Variants in SULT4A1 observed in about 807,000 individuals in gnomAD.
The protein encoded by SULT4A1 is sulfotransferase family 4A member 1.
Under a neutral mutation model 35.2 loss-of-function variants are expected in SULT4A1, and 11 were observed. The ratio of observed to expected loss-of-function variants is 0.31; its 90% confidence interval spans 0.20 to 0.52. The LOEUF (loss-of-function observed/expected upper bound fraction) is 0.52. Ranked by LOEUF, SULT4A1 falls within the 20% of genes least tolerant of loss-of-function variation. The probability of loss-of-function intolerance (pLI) is 0.97; values close to 1 mark genes in which losing one functional copy is unlikely to be tolerated. For missense variants in SULT4A1, 271 were observed against 383.7 expected, an observed-to-expected ratio of 0.71 and a Z score of 2.45; for synonymous variants, 152 against 151.8, an observed-to-expected ratio of 1.00 and a Z score of -0.01.
intron 1 of SULT4A1, among the ~76,000 whole-genome samples, chr22:43,846,156 G>C (rs564671684): frequency 6.6e-6 from 1 of 152,270 alleles, no homozygotes; most frequent in East Asian, 1.9e-4. Flanking sequence ...CAGCCTCTGA[G>C]CCCAACCGGC....
chr22:43,837,519 T>C (rs544895168), intron 4 of SULT4A1, among the ~76,000 whole-genome samples: 4 of 152,192 alleles, frequency 2.6e-5, no homozygotes, highest in Non-Finnish European at 5.9e-5. Context: ...CAAGAGGCCA[T>C]GGGAAGAGGG....
chr22:43,825,959 ACTGT>A lies in SULT4A1; in HGVS notation c.*38_*41del. 9 of 1,586,810 alleles carry A rather than the reference ACTGT, an allele frequency of 5.7e-6. No individual in the cohort carries two copies. Among genetic ancestry groups the A allele is most frequent in the Non-Finnish European group, 6.9e-6 (8 of 1,158,304 alleles). The stretch of plus-strand genomic sequence containing the variant: ...TGCATACAGGACTTTTGGCTAGTAG[ACTGT>A]CTGGGTATTGTGAGCATGCAGGTTG... On this transcript the variant is annotated 3_prime_UTR_variant, in exon 7 of 7. Transcript: ENST00000330884.
At chr22:43,844,558 G>A (rs1025598087) in intron 1 of SULT4A1, among the ~76,000 whole-genome samples, 16 of 152,178 alleles carry the variant, frequency 1.1e-4, no homozygotes, top group African/African-American at 3.6e-4. Context: ...AAACCCTTCC[G>A]TAGCTTCCCA....
intron 1 of SULT4A1, among the ~76,000 whole-genome samples, chr22:43,858,901 G>A (rs2148310728): frequency 6.6e-6 from 1 of 152,244 alleles, no homozygotes; most frequent in South Asian, 2.1e-4. Flanking sequence ...CATCTGTAAT[G>A]GGTAATCCAC....
chr22:43,829,252 T>C, intron 5 of SULT4A1, 54 bp from the exon 6 acceptor site: 1 of 1,470,594 alleles, frequency 6.8e-7, no homozygotes, highest in South Asian at 1.4e-5. Flanking sequence ...GGCCTTTTAC[T>C]GGACACGACC....
intron 1 of SULT4A1, among the ~76,000 whole-genome samples, chr22:43,853,381 G>A (rs1182200440): frequency 6.6e-6 from 1 of 152,212 alleles, no homozygotes; most frequent in African/African-American, 2.4e-5. Flanking sequence ...GCTCACTTCT[G>A]GGCCTGGGAC....
chr22:43,827,689 AC>A, intron 6 of SULT4A1: 1 of 1,353,618 alleles, frequency 7.4e-7, no homozygotes, highest in Non-Finnish European at 9.9e-7. Flanking sequence ...ACCAAGGTAA[AC>A]CATGATAAAG....
intron 4 of SULT4A1, among the ~76,000 whole-genome samples, chr22:43,835,799 A>G (rs1005019241): frequency 7.2e-5 from 11 of 152,226 alleles, no homozygotes; most frequent in Non-Finnish European, 1.2e-4. Context: ...GCAGGGGGAA[A>G]TAGTGTGAGG....
chr22:43,848,816 C>A (rs2063492727), intron 1 of SULT4A1, among the ~76,000 whole-genome samples: 1 of 152,208 alleles, frequency 6.6e-6, no homozygotes, highest in Admixed American at 6.5e-5. Context: ...CCAGCCCAGG[C>A]CCCAGTAGAT....
chr22:43,833,127 G>A (rs1317038196), intron 5 of SULT4A1, among the ~76,000 whole-genome samples: 1 of 151,920 alleles, frequency 6.6e-6, no homozygotes, highest in African/African-American at 2.4e-5. Flanking sequence ...GCCACCAGAA[G>A]CCCCTCTGCC....
rs2148273764 is a variant in SULT4A1, at chr22:43,825,895, A to T, written c.*106T>A. The T allele has an allele frequency of 8.7e-7, 1 of 1,153,746 alleles. No individual in the cohort carries two copies. The highest frequency in any genetic ancestry group is 1.5e-5 in the African/African-American group (1 of 64,770). 71.5% of individuals were successfully genotyped at this position (1,153,746 alleles called of 1,614,324 possible). A position where few individuals can be genotyped will look rare whatever the true frequency, so the allele number is the denominator to read the frequency against. On this transcript the variant is annotated 3_prime_UTR_variant, in exon 7 of 7. Coordinates refer to ENST00000330884, the MANE Select transcript of SULT4A1 (RefSeq NM_014351.4). Reference sequence around the variant, plus strand: ...CTCTTCCCTTCCCCCGCTGTTTCACACGCTGCTTCCAGAGTTTGTCCAGCA... The same window carrying T: ...CTCTTCCCTTCCCCCGCTGTTTCACTCGCTGCTTCCAGAGTTTGTCCAGCA...
intron 1 of SULT4A1, among the ~76,000 whole-genome samples, chr22:43,846,199 C>A (rs1348769913): frequency 6.6e-6 from 1 of 152,216 alleles, no homozygotes; most frequent in South Asian, 2.1e-4. Flanking sequence ...GGTGTCCCTG[C>A]CTGGAGCCTC....
rs2148275042 is a variant in SULT4A1, at chr22:43,827,499, A to G, written c.743-1386T>C. The stretch of plus-strand genomic sequence containing the variant: ...CAGCTGAGACAGCTGAGAGCTCGTC[A>G]GAGGAGTCACCCACCTGGTTTAGGA... On this transcript the variant is annotated intron_variant, in intron 6 of 6. Transcript: ENST00000330884. The G allele has an allele frequency of 9.0e-6, 12 of 1,328,528 alleles. No homozygotes were observed. In the South Asian group the frequency reaches 1.5e-4, roughly 16 times the overall value. The allele number at this position is 1,328,528 out of a possible 1,614,324, so 82.3% of individuals were successfully genotyped here. A position where few individuals can be genotyped will look rare whatever the true frequency, so the allele number is the denominator to read the frequency against.
At chr22:43,858,086 AG>A (rs1309617059) in intron 1 of SULT4A1, among the ~76,000 whole-genome samples, 6 of 151,122 alleles carry the variant, frequency 4.0e-5, no homozygotes, top group African/African-American at 1.5e-4. Flanking sequence ...AGAAAAAAAA[AG>A]AAAGAAAGAA....
At position 43,838,727 on chromosome 22, in the gene SULT4A1, C is replaced by T. The variant is rs2063397718; in HGVS notation, c.508+140G>A. 2.6e-6 allele frequency: 3 copies of T among 1,153,916 alleles called. No individual in the cohort carries two copies. In the South Asian group the frequency reaches 4.4e-5, roughly 17 times the overall value. 71.5% of individuals were successfully genotyped at this position (1,153,916 alleles called of 1,614,324 possible). On this transcript the variant is annotated intron_variant, in intron 4 of 6. Transcript: ENST00000330884. ...CGACCCTCGGCCTCAGTGTCTTCATCTGTAAAGTGACCGCGGGCCTGACCT... is the reference window on the plus strand; with the variant it reads ...CGACCCTCGGCCTCAGTGTCTTCATTTGTAAAGTGACCGCGGGCCTGACCT...
chr22:43,826,800 C>T, intron 6 of SULT4A1: 3 of 985,440 alleles, frequency 3.0e-6, no homozygotes, highest in Non-Finnish European at 3.6e-6. Flanking sequence ...AAAACATGCA[C>T]TGCAGTGAGA....
rs2063277707 is a variant in SULT4A1 at position 43,825,080 on chromosome 22, CTGAA to C, written c.*917_*920del. 2.6e-5 allele frequency: 4 copies of C among 152,350 alleles called. No individual in the cohort carries two copies. In the South Asian group the frequency reaches 6.2e-4, roughly 24 times the overall value. 9.4% of individuals were successfully genotyped at this position (152,350 alleles called of 1,614,324 possible). On this transcript the variant is annotated 3_prime_UTR_variant, in exon 7 of 7. Transcript: ENST00000330884. ...GAGCGCCTCAGGTGCACAGAACAAA[CTGAA>C]TGATAAAGACCCGGGGATTTTAGAA... is the stretch of plus-strand genomic sequence containing the variant.
Position 43,825,747 on chromosome 22 carries a change from G to A in SULT4A1, c.*254C>T, listed in dbSNP as rs1392539779. On this transcript the variant is annotated 3_prime_UTR_variant, in exon 7 of 7. Transcript: ENST00000330884. ...CATATATTACAGGCTTTATCCTTACGGTCCAGGCCATTGGAACTGCAATGT... is the reference window on the plus strand; with the variant it reads ...CATATATTACAGGCTTTATCCTTACAGTCCAGGCCATTGGAACTGCAATGT... 9 of 378,762 alleles carry A rather than the reference G, an allele frequency of 2.4e-5. No homozygotes were observed. The highest frequency in any genetic ancestry group is 1.3e-4 in the South Asian group (3 of 23,544). 23.5% of individuals were successfully genotyped at this position (378,762 alleles called of 1,614,324 possible). A position where few individuals can be genotyped will look rare whatever the true frequency, so the allele number is the denominator to read the frequency against.
In SULT4A1 at chr22:43,838,854, C is replaced by A; in HGVS notation, c.508+13G>T. ...GCTCCGGTTCTAACATGCCGCCAGG[C>A]TGCAACACTCACGCTTATCATTCAT... On this transcript the variant is annotated intron_variant, in intron 4 of 6. Transcript: ENST00000330884. The A allele has an allele frequency of 6.2e-7, 1 of 1,613,828 alleles. No homozygotes were observed. The highest frequency in any genetic ancestry group is 8.5e-7 in the Non-Finnish European group (1 of 1,179,854).
Sources: gnomAD v4.1 joint callset for allele counts (sites outside exome capture counted in the v4.1 genomes callset) on GRCh38, gnomAD v4.1.1 for gene constraint, MANE v1.5 for transcripts, NCBI Gene and HGNC (gene_info 2026-07-23, HGNC 2026-07-21) for gene names.